Variants in HCN1 observed in about 807,000 individuals in gnomAD.
HCN1 encodes potassium/sodium hyperpolarization-activated cyclic nucleotide-gated channel 1.
In HCN1, 13 loss-of-function variants were observed where a neutral mutation model predicts 78.9. The observed-to-expected ratio is 0.16, with a 90% confidence interval of 0.11 to 0.26. The LOEUF is 0.26. Ranked by LOEUF, HCN1 falls within the 10% of genes least tolerant of loss-of-function variation. The probability of loss-of-function intolerance (pLI) is 1.00; values close to 1 mark genes in which losing one functional copy is unlikely to be tolerated. For synonymous variants in HCN1, 552 were observed against 455.5 expected, an observed-to-expected ratio of 1.21 and a Z score of -2.70; for missense variants, 810 against 1,154.3, an observed-to-expected ratio of 0.70 and a Z score of 4.32.
chr5:45,435,413 A>C (rs568425343), intron 3 of HCN1, among the ~76,000 whole-genome samples: 1 of 152,276 alleles, frequency 6.6e-6, no homozygotes, highest in African/African-American at 2.4e-5. Context: ...ATTCAATTAA[A>C]TTTTTGGTTA....
chr5:45,304,797 C>T (rs543085456), intron 5 of HCN1, among the ~76,000 whole-genome samples: 3 of 152,114 alleles, frequency 2.0e-5, no homozygotes, highest in Non-Finnish European at 4.4e-5. Flanking sequence ...GACATATTTG[C>T]CTTTTCCTGA....
chr5:45,622,981 C>A (rs984467110), intron 2 of HCN1, among the ~76,000 whole-genome samples: 1 of 151,984 alleles, frequency 6.6e-6, no homozygotes, highest in East Asian at 1.9e-4. Context: ...GTCCTTTTGC[C>A]GGGAACATAT....
At chr5:45,475,642 C>T (rs965101467) in intron 2 of HCN1, among the ~76,000 whole-genome samples, 3 of 152,038 alleles carry the variant, frequency 2.0e-5, no homozygotes, top group African/African-American at 7.2e-5. Flanking sequence ...GGGCTTTCAC[C>T]CAGCATTTAA....
chr5:45,665,163 T>C (rs1394518103), intron 1 of HCN1, among the ~76,000 whole-genome samples: 3 of 151,782 alleles, frequency 2.0e-5, no homozygotes, highest in Non-Finnish European at 4.4e-5. Context: ...ATGGATGAAA[T>C]TGGAAATCAT....
intron 7 of HCN1, among the ~76,000 whole-genome samples, chr5:45,264,607 A>G (rs1744816580): frequency 6.6e-6 from 1 of 152,198 alleles, no homozygotes; most frequent in Non-Finnish European, 1.5e-5. Context: ...AAAGAACAAA[A>G]ACTCCTACAT....
At chr5:45,504,369 C>T (rs951386906) in intron 2 of HCN1, among the ~76,000 whole-genome samples, 2 of 152,050 alleles carry the variant, frequency 1.3e-5, no homozygotes, top group African/African-American at 2.4e-5. Flanking sequence ...TTTGTTCTTG[C>T]GATAGTTTGC....
intron 2 of HCN1, among the ~76,000 whole-genome samples, chr5:45,608,782 T>G (rs939949796): frequency 2.0e-5 from 3 of 151,826 alleles, no homozygotes; most frequent in African/African-American, 4.8e-5. Context: ...CTGACTACTA[T>G]CAAATTAAAA....
intron 4 of HCN1, among the ~76,000 whole-genome samples, chr5:45,364,667 C>A (rs1273898015): frequency 6.6e-6 from 1 of 152,082 alleles, no homozygotes; most frequent in South Asian, 2.1e-4. Context: ...TTTTCACAAA[C>A]TAACCATCTT....
At chr5:45,638,141 G>A (rs1561228329) in intron 2 of HCN1, among the ~76,000 whole-genome samples, 1 of 152,002 alleles carries the variant, frequency 6.6e-6, no homozygotes, top group African/African-American at 2.4e-5. Context: ...AAAAGAGAAG[G>A]AGAAGAACAC....
rs557748324 is a variant in HCN1, at chr5:45,546,880, T to C, written c.850-84873A>G. Among the ~76,000 whole-genome samples, 460 of 151,980 alleles carry C rather than the reference T, an allele frequency of 3.0e-3. 4 individuals are homozygous for C. Among genetic ancestry groups the C allele is most frequent in the Non-Finnish European group, 4.9e-3 (333 of 67,842 alleles). On this transcript the variant is annotated intron_variant, in intron 2 of 7. Coordinates refer to ENST00000303230, the MANE Select transcript of HCN1 (RefSeq NM_021072.4). ...TTCACGAGTAGAATACTTTACTTAT[T>C]AGAAAAGTATTACTTATATTGAACC...
At chr5:45,434,417 T>C (rs1030888627) in intron 3 of HCN1, among the ~76,000 whole-genome samples, 5 of 152,138 alleles carry the variant, frequency 3.3e-5, no homozygotes, top group Admixed American at 2.6e-4. Flanking sequence ...ACAAAGACTA[T>C]TTGCATGTTA....
intron 3 of HCN1, among the ~76,000 whole-genome samples, chr5:45,454,967 C>T (rs899689815): frequency 6.6e-6 from 1 of 151,992 alleles, no homozygotes; most frequent in African/African-American, 2.4e-5. Context: ...CTAGAAGTGC[C>T]TGAAGTATCT....
intron 1 of HCN1, among the ~76,000 whole-genome samples, chr5:45,660,279 G>A: frequency 9.3e-6 from 1 of 107,014 alleles, no homozygotes; most frequent in Admixed American, 9.0e-5. Flanking sequence ...CAGCAGGCCT[G>A]CCCTAAAAGA....
At chr5:45,473,501 T>A (rs1370101718) in intron 2 of HCN1, among the ~76,000 whole-genome samples, 1 of 151,872 alleles carries the variant, frequency 6.6e-6, no homozygotes, top group African/African-American at 2.4e-5. Context: ...CTTACACTGG[T>A]GCATGATGTG....
intron 1 of HCN1, among the ~76,000 whole-genome samples, chr5:45,687,813 T>C (rs1284428740): frequency 6.6e-6 from 1 of 152,090 alleles, no homozygotes; most frequent in African/African-American, 2.4e-5. Context: ...TTTTGCAGAG[T>C]GATTAGGCAA....
At chr5:45,518,246 G>A (rs1420317418) in intron 2 of HCN1, among the ~76,000 whole-genome samples, 1 of 151,994 alleles carries the variant, frequency 6.6e-6, no homozygotes, top group Non-Finnish European at 1.5e-5. Flanking sequence ...CATCAGAGTA[G>A]ACTCTAAATT....
chr5:45,607,594 T>TAG (rs1209918101), intron 2 of HCN1, among the ~76,000 whole-genome samples: 3 of 148,768 alleles, frequency 2.0e-5, no homozygotes, highest in African/African-American at 4.9e-5. Context: ...TATATATATA[T>TAG]ATCTATAGAT....
chr5:45,595,553 G>C (rs79983226), intron 2 of HCN1, among the ~76,000 whole-genome samples: 2,413 of 152,108 alleles, frequency 0.016, 33 homozygotes, highest in Non-Finnish European at 0.026. Context: ...GCTAAAATAT[G>C]TTTTATTTCT....
chr5:45,271,359 TACACACACACACAC>T (rs34016747), intron 6 of HCN1, among the ~76,000 whole-genome samples: 102 of 137,416 alleles, frequency 7.4e-4, no homozygotes, highest in Non-Finnish European at 1.2e-3. Flanking sequence ...CTGATTCAGG[TACACACACACACAC>T]ACACACACAC....
Sources: gnomAD v4.1 joint callset for allele counts (sites outside exome capture counted in the v4.1 genomes callset) on GRCh38, gnomAD v4.1.1 for gene constraint, MANE v1.5 for transcripts, NCBI Gene and HGNC (gene_info 2026-07-23, HGNC 2026-07-21) for gene names.